CTNND2: variants seen among roughly 807,000 people sequenced by gnomAD.
CTNND2 encodes catenin delta 2.
CTNND2 carries 22 observed loss-of-function variants against 144.4 expected under a neutral mutation model. The ratio of observed to expected loss-of-function variants is 0.15; its 90% CI spans 0.11 to 0.22. The LOEUF is 0.22. CTNND2 is among the 10% of genes least tolerant of loss of function. CTNND2 has a pLI of 1.00. For synonymous variants in CTNND2, 751 were observed against 695.6 expected (o/e 1.08, Z -1.25); for missense variants, 1,353 against 1,618.8 (o/e 0.84, Z 2.82).
At chr5:11,039,920 G>C (rs888194874) in intron 16 of CTNND2, among the ~76,000 whole-genome samples, 6 of 152,098 alleles carry the variant, frequency 3.9e-5, no homozygotes, top group Non-Finnish European at 8.8e-5. Context: ...AAATTAGCCA[G>C]GCATGGTGAC....
intron 2 of CTNND2, among the ~76,000 whole-genome samples, chr5:11,614,370 A>G (rs1780479723): frequency 6.6e-6 from 1 of 152,184 alleles, no homozygotes; most frequent in African/African-American, 2.4e-5. Flanking sequence ...TTCCCACCTG[A>G]TGTATTATTT....
At chr5:11,090,121 C>A (rs1312604236) in intron 15 of CTNND2, among the ~76,000 whole-genome samples, 4 of 152,182 alleles carry the variant, frequency 2.6e-5, no homozygotes, top group Admixed American at 6.5e-5. Flanking sequence ...GGTGCTGGAA[C>A]CTTTGACTCA....
intron 2 of CTNND2, among the ~76,000 whole-genome samples, chr5:11,682,425 C>A (rs886839903): frequency 6.6e-6 from 1 of 152,126 alleles, no homozygotes; most frequent in Non-Finnish European, 1.5e-5. Flanking sequence ...TCACAACATC[C>A]GGATAGATTC....
intron 2 of CTNND2, among the ~76,000 whole-genome samples, chr5:11,717,270 C>T (rs552949078): frequency 1.9e-4 from 29 of 151,986 alleles, no homozygotes; most frequent in Non-Finnish European, 4.0e-4. Flanking sequence ...TTTGTTCTCA[C>T]GCTGCTAATA....
chr5:11,222,878 C>T lies in CTNND2; in HGVS notation c.1761+13813G>A, dbSNP rs533921449. On this transcript the variant is annotated intron_variant, in intron 10 of 21. Transcript: ENST00000304623. The stretch of plus-strand genomic sequence containing the variant: ...CCCCCTCCCCATCTCCAACATCCCA[C>T]CTCCTGAAGCAGGCTGGACGTGAGC... 2.6e-5 allele frequency among the ~76,000 whole-genome samples: 4 copies of T among 152,322 alleles called. No homozygotes were observed. In the East Asian group the frequency reaches 7.7e-4, roughly 29 times the overall value.
intron 3 of CTNND2, among the ~76,000 whole-genome samples, chr5:11,512,896 C>T (rs188416333): frequency 1.0e-3 from 154 of 152,300 alleles, no homozygotes; most frequent in African/African-American, 3.6e-3. Context: ...AACTACACAT[C>T]CACTCAAGTA....
intron 2 of CTNND2, among the ~76,000 whole-genome samples, chr5:11,641,765 T>TACGTATATGTATGTACATACATAC (rs1782051147): frequency 2.0e-5 from 3 of 148,070 alleles, no homozygotes; most frequent in Admixed American, 6.6e-5. Context: ...TACATACATA[T>TACGTATATGTATGTACATACATAC]ACGTATATGT....
At chr5:10,994,728 A>G (rs1739158067) in intron 18 of CTNND2, among the ~76,000 whole-genome samples, 1 of 152,102 alleles carries the variant, frequency 6.6e-6, no homozygotes, top group Non-Finnish European at 1.5e-5. Flanking sequence ...AGGCGTGAGC[A>G]GGGGGCCAGG....
chr5:11,541,028 A>G (rs988638212), intron 3 of CTNND2, among the ~76,000 whole-genome samples: 17 of 152,202 alleles, frequency 1.1e-4, no homozygotes, highest in South Asian at 2.1e-4. Flanking sequence ...ACTGCAAAAT[A>G]CGACACCATT....
At chr5:11,142,414 A>G (rs565572123) in intron 12 of CTNND2, among the ~76,000 whole-genome samples, 224 of 152,260 alleles carry the variant, frequency 1.5e-3, no homozygotes, top group Non-Finnish European at 2.7e-3. Context: ...GAGAGTGTGA[A>G]GTTGAATGCA....
chr5:11,306,345 T>A (rs1447653656), intron 9 of CTNND2, among the ~76,000 whole-genome samples: 1 of 152,248 alleles, frequency 6.6e-6, no homozygotes, highest in Non-Finnish European at 1.5e-5. Flanking sequence ...AAGATTGGTC[T>A]ATTTGCTTCA....
intron 3 of CTNND2, among the ~76,000 whole-genome samples, chr5:11,515,981 C>T (rs1183891061): frequency 6.6e-6 from 1 of 152,032 alleles, no homozygotes; most frequent in African/African-American, 2.4e-5. Flanking sequence ...TGGTATGCAC[C>T]TGTAGTCATA....
At chr5:11,219,004 C>A (rs370969772) in intron 10 of CTNND2, among the ~76,000 whole-genome samples, 2 of 152,182 alleles carry the variant, frequency 1.3e-5, no homozygotes, top group Non-Finnish European at 2.9e-5. Context: ...GAGATGAGAC[C>A]TTTCATTTTA....
intron 12 of CTNND2, among the ~76,000 whole-genome samples, chr5:11,120,918 T>C (rs1227653824): frequency 6.6e-6 from 1 of 152,210 alleles, no homozygotes; most frequent in Non-Finnish European, 1.5e-5. Context: ...GCATGAAACA[T>C]ATCTTAAGAG....
intron 10 of CTNND2, among the ~76,000 whole-genome samples, chr5:11,210,398 A>AAAAT (rs1738508084): frequency 1.3e-5 from 2 of 152,226 alleles, no homozygotes; most frequent in African/African-American, 4.8e-5. Context: ...ACTCTGTCTA[A>AAAAT]AAATAAATAA....
chr5:11,652,209 C>G (rs903763771), intron 2 of CTNND2, among the ~76,000 whole-genome samples: 3 of 152,144 alleles, frequency 2.0e-5, no homozygotes, highest in African/African-American at 7.2e-5. Flanking sequence ...TGAGTTATCA[C>G]GAGATCTGGT....
At chr5:11,329,571 T>G (rs1752874656) in intron 9 of CTNND2, among the ~76,000 whole-genome samples, 1 of 152,200 alleles carries the variant, frequency 6.6e-6, no homozygotes, top group Admixed American at 6.5e-5. Context: ...AACACCTCTC[T>G]TAAGCCAGTC....
chr5:11,480,944 A>G (rs868252514), intron 3 of CTNND2, among the ~76,000 whole-genome samples: 8 of 152,162 alleles, frequency 5.3e-5, no homozygotes, highest in Middle Eastern at 3.2e-3. Context: ...GCTTGGGATG[A>G]AAGGGGAAAT....
chr5:11,676,473 A>C (rs1214035131), intron 2 of CTNND2, among the ~76,000 whole-genome samples: 2 of 152,080 alleles, frequency 1.3e-5, no homozygotes, highest in Non-Finnish European at 2.9e-5. Flanking sequence ...TAATATAATG[A>C]GGAAGAGCTC....
Sources: allele counts gnomAD v4.1 joint callset (sites outside exome capture counted in the v4.1 genomes callset), GRCh38; gene constraint gnomAD v4.1.1; transcripts MANE v1.5; gene names NCBI Gene and HGNC (gene_info 2026-07-23, HGNC 2026-07-21).